TMEM45A: variants seen among roughly 807,000 people sequenced by gnomAD.
The protein encoded by TMEM45A is DNA polymerase-transactivated protein 4.
TMEM45A carries 25 observed loss-of-function variants against 32.0 expected under a neutral mutation model. The ratio of observed to expected loss-of-function variants is 0.78; its 90% CI spans 0.57 to 1.09. TMEM45A has a LOEUF of 1.09. Among genes scored for constraint, TMEM45A ranks in the 50% least tolerant of loss-of-function variants. The probability of loss-of-function intolerance (pLI) is 0.00; values close to 1 mark genes in which losing one functional copy is unlikely to be tolerated. For missense variants in TMEM45A, 302 were observed against 325.0 expected, an observed-to-expected ratio of 0.93 and a Z score of 0.54; for synonymous variants, 122 against 114.8, an observed-to-expected ratio of 1.06 and a Z score of -0.40.
chr3:100,574,461 A>G (rs909085263), intron 5 of TMEM45A: 1 of 152,232 alleles, frequency 6.6e-6, no homozygotes, highest in Non-Finnish European at 1.5e-5. Flanking sequence ...AAGAAGTTGA[A>G]TCTCTGAATA....
chr3:100,544,974 G>T (rs1258824484), intron 1 of TMEM45A, among the ~76,000 whole-genome samples: 1 of 152,132 alleles, frequency 6.6e-6, no homozygotes, highest in Non-Finnish European at 1.5e-5. Context: ...GTTCTAGCTG[G>T]TCCACATCCA....
intron 1 of TMEM45A, among the ~76,000 whole-genome samples, chr3:100,505,058 C>T (rs1559633620): frequency 2.6e-5 from 4 of 152,086 alleles, no homozygotes; most frequent in South Asian, 2.1e-4. Context: ...AAAGGTTGAC[C>T]GTGTGGTTGT....
intron 1 of TMEM45A, among the ~76,000 whole-genome samples, chr3:100,533,757 T>C (rs917861208): frequency 6.6e-6 from 1 of 152,200 alleles, no homozygotes; most frequent in African/African-American, 2.4e-5. Flanking sequence ...AGGCAGTGCC[T>C]ACTGTGTGGC....
At chr3:100,549,287 C>T (rs1167543581) in intron 1 of TMEM45A, among the ~76,000 whole-genome samples, 1 of 151,388 alleles carries the variant, frequency 6.6e-6, no homozygotes, top group Non-Finnish European at 1.5e-5. Context: ...AAAAAAACCA[C>T]CAAAACCAAA....
rs1706189019 is a variant in TMEM45A, at chr3:100,555,189, G to C, written c.-3-20G>C. The C allele has an allele frequency of 6.4e-7, 1 of 1,574,736 alleles. No homozygotes were observed. Reference sequence around the variant, plus strand: ...GGCAATGAAATGTCTTTTACTTTCTGTGTGTTCTTATATTTGTAGATCATG... The same window carrying C: ...GGCAATGAAATGTCTTTTACTTTCTCTGTGTTCTTATATTTGTAGATCATG... On this transcript the variant is annotated intron_variant, in intron 1 of 5. Coordinates refer to ENST00000323523, the MANE Select transcript of TMEM45A (RefSeq NM_018004.3).
intron 5 of TMEM45A, among the ~76,000 whole-genome samples, chr3:100,576,276 C>A (rs1247903512): frequency 6.6e-6 from 1 of 152,092 alleles, no homozygotes; most frequent in African/African-American, 2.4e-5. Flanking sequence ...TGGTGAAACC[C>A]CATCTCTATT....
chr3:100,542,374 A>C (rs759965319), intron 1 of TMEM45A, among the ~76,000 whole-genome samples: 1 of 152,212 alleles, frequency 6.6e-6, no homozygotes, highest in African/African-American at 2.4e-5. Flanking sequence ...CCTAGGAAAC[A>C]CCATTCTGGA....
chr3:100,539,554 T>C (rs1251109879), intron 1 of TMEM45A, among the ~76,000 whole-genome samples: 2 of 150,972 alleles, frequency 1.3e-5, no homozygotes, highest in Non-Finnish European at 3.0e-5. Flanking sequence ...ACTCACACAA[T>C]TATGGAGGCC....
chr3:100,537,668 G>A (rs1051981048), intron 1 of TMEM45A, among the ~76,000 whole-genome samples: 1 of 152,228 alleles, frequency 6.6e-6, no homozygotes, highest in African/African-American at 2.4e-5. Flanking sequence ...AGGCAAAGAA[G>A]GCGAGGCCAT....
At chr3:100,571,738 A>C (rs1209515101) in intron 5 of TMEM45A, 1 of 151,974 alleles carries the variant, frequency 6.6e-6, no homozygotes, top group East Asian at 1.9e-4. Flanking sequence ...TCCTAATGCT[A>C]TCCCTCCCCC....
chr3:100,554,387 A>T (rs1706171353), intron 1 of TMEM45A, among the ~76,000 whole-genome samples: 1 of 152,238 alleles, frequency 6.6e-6, no homozygotes, highest in African/African-American at 2.4e-5. Flanking sequence ...AATCTGAAGC[A>T]GGCTGGTTGA....
At chr3:100,498,855 C>G (rs1228058950) in intron 1 of TMEM45A, among the ~76,000 whole-genome samples, 1 of 152,122 alleles carries the variant, frequency 6.6e-6, no homozygotes, top group Non-Finnish European at 1.5e-5. Context: ...ACACAAGGGT[C>G]TCAATTTCTC....
intron 1 of TMEM45A, among the ~76,000 whole-genome samples, chr3:100,540,557 C>T (rs1051083776): frequency 7.9e-5 from 12 of 152,138 alleles, no homozygotes; most frequent in African/African-American, 2.4e-4. Flanking sequence ...GATGAGAATG[C>T]GGAGAAACAA....
intron 1 of TMEM45A, among the ~76,000 whole-genome samples, chr3:100,523,749 C>A (rs1265268565): frequency 1.3e-5 from 2 of 149,688 alleles, no homozygotes; most frequent in South Asian, 2.1e-4. Flanking sequence ...CCTCCTTCTC[C>A]TCCTCCTTCT....
At chr3:100,530,303 G>C (rs144353423) in intron 1 of TMEM45A, among the ~76,000 whole-genome samples, 97 of 152,258 alleles carry the variant, frequency 6.4e-4, no homozygotes, top group African/African-American at 2.1e-3. Flanking sequence ...TGCTGGCCTG[G>C]AGCTGGGGAC....
At chr3:100,564,576 C>T (rs927799121) in intron 4 of TMEM45A, among the ~76,000 whole-genome samples, 2 of 151,930 alleles carry the variant, frequency 1.3e-5, no homozygotes, top group South Asian at 2.1e-4. Context: ...CTCCACCTCC[C>T]GGGTTCAAGC....
chr3:100,570,370 A>G lies in TMEM45A; in HGVS notation c.734+1403A>G, dbSNP rs180712347. On this transcript the variant is annotated intron_variant, in intron 5 of 5. Coordinates refer to ENST00000323523, the MANE Select transcript of TMEM45A (RefSeq NM_018004.3). Reference sequence around the variant, plus strand: ...CATTGCTGAAGCAGCTCTGGTGCTGAGGCACCGGGTGAAGAAATCATTCCT... The same window carrying G: ...CATTGCTGAAGCAGCTCTGGTGCTGGGGCACCGGGTGAAGAAATCATTCCT... Among the ~76,000 whole-genome samples the G allele has an allele frequency of 2.5e-3, 386 of 152,306 alleles. 8 individuals carry two copies. Among genetic ancestry groups the G allele is most frequent in the Admixed American group, 0.021 (317 of 15,300 alleles).
In TMEM45A at chr3:100,555,419, T is replaced by C; in HGVS notation, c.190+18T>C. 6.3e-7 allele frequency: 1 copy of C among 1,594,878 alleles called. No individual in the cohort carries two copies. The highest frequency in any genetic ancestry group is 8.5e-7 in the Non-Finnish European group (1 of 1,170,832). Reference sequence around the variant, plus strand: ...TTTAACTGGTGAGTGGACCATTCTGTGTTCTATTTTTACCTTTTAGGTGTT... The same window carrying C: ...TTTAACTGGTGAGTGGACCATTCTGCGTTCTATTTTTACCTTTTAGGTGTT... On this transcript the variant is annotated intron_variant, in intron 2 of 5. Transcript: ENST00000323523.
chr3:100,496,468 CCG>C (rs1707930210), intron 1 of TMEM45A, among the ~76,000 whole-genome samples: 1 of 152,100 alleles, frequency 6.6e-6, no homozygotes, highest in Admixed American at 6.5e-5. Flanking sequence ...ACTTTGTAGC[CCG>C]AGCCTTACCC....
Sources: gnomAD v4.1 joint callset for allele counts (sites outside exome capture counted in the v4.1 genomes callset) on GRCh38, gnomAD v4.1.1 for gene constraint, MANE v1.5 for transcripts, NCBI Gene and HGNC (gene_info 2026-07-23, HGNC 2026-07-21) for gene names.